The following IQCM variants were observed in gnomAD, a reference collection of about 807,000 sequenced individuals.
The protein encoded by IQCM is IQ domain-containing protein M.
Under a neutral mutation model 57.6 loss-of-function variants are expected in IQCM, and 45 were observed. The observed-to-expected ratio is 0.78, with a 90% CI of 0.62 to 1.00. IQCM has a LOEUF of 1.00. Ranked by LOEUF, IQCM falls within the 50% of genes least tolerant of loss-of-function variation. The pLI is 0.00. For synonymous variants in IQCM, 148 were observed against 158.9 expected, an observed-to-expected ratio of 0.93 and a Z score of 0.51; for missense variants, 468 against 511.6, an observed-to-expected ratio of 0.91 and a Z score of 0.82.
intron 12 of IQCM, among the ~76,000 whole-genome samples, chr4:149,509,181 A>C (rs1019061316): frequency 3.9e-5 from 6 of 152,234 alleles, no homozygotes; most frequent in Non-Finnish European, 8.8e-5. Context: ...GTTTTGCAGA[A>C]GCCAAGATCC....
At chr4:149,716,168 G>A (rs1186029383) in intron 5 of IQCM, among the ~76,000 whole-genome samples, 1 of 152,158 alleles carries the variant, frequency 6.6e-6, no homozygotes, top group Non-Finnish European at 1.5e-5. Flanking sequence ...CACCCAAGCT[G>A]TTCATGCCAA....
intron 7 of IQCM, among the ~76,000 whole-genome samples, chr4:149,681,133 C>T (rs1171911595): frequency 6.6e-6 from 1 of 151,292 alleles, no homozygotes; most frequent in African/African-American, 2.4e-5. Context: ...TAGAACACAG[C>T]TTTCAAGGAG....
chr4:149,667,514 C>A (rs895497759), intron 7 of IQCM, among the ~76,000 whole-genome samples: 2 of 152,150 alleles, frequency 1.3e-5, no homozygotes, highest in East Asian at 3.9e-4. Flanking sequence ...AACCAGAACA[C>A]CTCTTCTCCT....
chr4:149,669,522 T>C (rs971443971), intron 7 of IQCM, among the ~76,000 whole-genome samples: 2 of 152,196 alleles, frequency 1.3e-5, no homozygotes, highest in African/African-American at 4.8e-5. Context: ...TGCCATTGCT[T>C]TTGGTGTTTT....
At chr4:149,387,668 AT>A (rs1731518050) in intron 13 of IQCM, among the ~76,000 whole-genome samples, 1 of 151,926 alleles carries the variant, frequency 6.6e-6, no homozygotes, top group Non-Finnish European at 1.5e-5. Flanking sequence ...TGCAGGGCCT[AT>A]TTCTTTTTCT....
intron 12 of IQCM, among the ~76,000 whole-genome samples, chr4:149,529,217 C>T (rs1746489148): frequency 6.6e-6 from 1 of 152,108 alleles, no homozygotes; most frequent in Non-Finnish European, 1.5e-5. Context: ...GCACACACCA[C>T]AACAGCCAGC....
intron 5 of IQCM, among the ~76,000 whole-genome samples, chr4:149,714,604 G>T (rs1764840514): frequency 6.6e-6 from 1 of 152,068 alleles, no homozygotes; most frequent in Non-Finnish European, 1.5e-5. Context: ...AATCCTATAT[G>T]TACCATGTTT....
intron 5 of IQCM, among the ~76,000 whole-genome samples, chr4:149,718,202 C>A (rs530958264): frequency 5.9e-5 from 9 of 152,298 alleles, no homozygotes; most frequent in African/African-American, 1.7e-4. Flanking sequence ...AACATTTGAT[C>A]TTCATTTGCT....
At chr4:149,360,154 C>A (rs1729369314) in intron 13 of IQCM, among the ~76,000 whole-genome samples, 1 of 151,996 alleles carries the variant, frequency 6.6e-6, no homozygotes, top group African/African-American at 2.4e-5. Context: ...TTCTAGATGG[C>A]AATTAATGTA....
chr4:149,596,896 T>C (rs1753828579), intron 8 of IQCM, among the ~76,000 whole-genome samples: 1 of 152,074 alleles, frequency 6.6e-6, no homozygotes, highest in African/African-American at 2.4e-5. Context: ...CTAAGAATTC[T>C]CACAATAAAA....
At chr4:149,352,683 G>A (rs954369932) in intron 13 of IQCM, among the ~76,000 whole-genome samples, 13 of 152,104 alleles carry the variant, frequency 8.5e-5, no homozygotes, top group South Asian at 4.1e-4. Flanking sequence ...GATGCAACAC[G>A]TTTGCTTTTA....
chr4:149,735,333 A>C, intron 4 of IQCM, 43 bp downstream of exon 4: 1 of 1,014,000 alleles, frequency 9.9e-7, no homozygotes, highest in Non-Finnish European at 1.3e-6. Context: ...TGTAGTATGC[A>C]AAAATTTTAA....
At chr4:149,554,550 A>C (rs962286074) in intron 10 of IQCM, among the ~76,000 whole-genome samples, 1 of 150,766 alleles carries the variant, frequency 6.6e-6, no homozygotes, top group Non-Finnish European at 1.5e-5. Flanking sequence ...TCCTGACCTC[A>C]TGATCTGCCC....
At chr4:149,527,448 G>T (rs1405418181) in intron 12 of IQCM, among the ~76,000 whole-genome samples, 2 of 152,200 alleles carry the variant, frequency 1.3e-5, no homozygotes, top group Admixed American at 1.3e-4. Flanking sequence ...CTTCTGCCAT[G>T]TGAGGATGCA....
intron 12 of IQCM, among the ~76,000 whole-genome samples, chr4:149,530,815 C>A (rs1279277829): frequency 1.7e-5 from 2 of 115,844 alleles, no homozygotes; most frequent in Non-Finnish European, 3.6e-5. Context: ...CCCCCCCCCA[C>A]ATACACACAC....
chr4:149,416,097 T>C (rs748233542), intron 13 of IQCM, among the ~76,000 whole-genome samples: 3 of 152,012 alleles, frequency 2.0e-5, no homozygotes, highest in Non-Finnish European at 2.9e-5. Flanking sequence ...CCTAATCAGA[T>C]GACTGAGTGC....
At chr4:149,812,709 G>A (rs146927820) in intron 2 of IQCM, among the ~76,000 whole-genome samples, 39 of 152,212 alleles carry the variant, frequency 2.6e-4, no homozygotes, top group African/African-American at 8.4e-4. Flanking sequence ...TTGATTGACA[G>A]TGTACTTTAT....
intron 13 of IQCM, among the ~76,000 whole-genome samples, chr4:149,360,437 G>A (rs764556672): frequency 7.2e-5 from 11 of 152,122 alleles, no homozygotes; most frequent in Middle Eastern, 3.4e-3. Context: ...GGCATGCTCC[G>A]GAGGTCCTGG....
rs35281493 is a variant in IQCM at position 149,545,818 on chromosome 4, A to AT, written c.1228+2636dup. On this transcript the variant is annotated intron_variant, in intron 12 of 13. Transcript: ENST00000636793. The stretch of plus-strand genomic sequence containing the variant: ...CAAATGAATGGAAAAAAAAAGTGGT[A>AT]TTTTTTTTTTATTATTATACTTTAA... Among the ~76,000 whole-genome samples, 412 of 149,944 alleles carry AT rather than the reference A, an allele frequency of 2.7e-3. 2 individuals carry two copies. Among genetic ancestry groups the AT allele is most frequent in the African/African-American group, 9.5e-3 (388 of 40,768 alleles).
Sources: gnomAD v4.1 joint callset for allele counts (sites outside exome capture counted in the v4.1 genomes callset) on GRCh38, gnomAD v4.1.1 for gene constraint, MANE v1.5 for transcripts, NCBI Gene and HGNC (gene_info 2026-07-23, HGNC 2026-07-21) for gene names.